CTDSPL2: variants seen among roughly 807,000 people sequenced by gnomAD.
CTDSPL2 encodes the protein CTD small phosphatase like 2, also known as CTD small phosphatase-like protein 2.
Under a neutral mutation model 60.0 loss-of-function variants are expected in CTDSPL2, and 5 were observed. The observed-to-expected ratio is 0.08, with a 90% confidence interval of 0.04 to 0.18. The LOEUF (loss-of-function observed/expected upper bound fraction) is 0.18, where lower values mean the gene tolerates loss of function less well. Ranked by LOEUF, CTDSPL2 falls within the 10% of genes least tolerant of loss-of-function variation. The probability of loss-of-function intolerance (pLI) is 1.00; values close to 1 mark genes in which losing one functional copy is unlikely to be tolerated. For synonymous variants in CTDSPL2, 186 were observed against 189.3 expected (o/e 0.98, Z 0.14); for missense variants, 370 against 548.8 (o/e 0.67, Z 3.26).
At position 44,478,476 on chromosome 15, in the gene CTDSPL2, AAAAAAAAG is replaced by A. The variant is rs1181664268; in HGVS notation, c.187-5746_187-5739del. 6.6e-4 allele frequency among the ~76,000 whole-genome samples: 99 copies of A among 149,350 alleles called. 1 individual carries two copies. The highest frequency in any genetic ancestry group is 2.3e-3 in the African/African-American group (95 of 40,610). On this transcript the variant is annotated intron_variant, in intron 2 of 12. Transcript: ENST00000260327. ...TCAAAAAAAAAAAAAAAAAAAAAAA[AAAAAAAAG>A]ACTCATGAGAAGCATATTCTGAGCT...
At chr15:44,513,246 A>G (rs962710028) in intron 8 of CTDSPL2, among the ~76,000 whole-genome samples, 1 of 152,098 alleles carries the variant, frequency 6.6e-6, no homozygotes, top group Non-Finnish European at 1.5e-5. Context: ...CGGGCGGATC[A>G]CCTGAGGTCA....
At chr15:44,473,810 G>GT (rs1482747751) in intron 2 of CTDSPL2, among the ~76,000 whole-genome samples, 1 of 152,176 alleles carries the variant, frequency 6.6e-6, no homozygotes, top group Non-Finnish European at 1.5e-5. Flanking sequence ...ATTTCAAGCA[G>GT]TTTCCCTTGC....
rs559414291 is a variant in CTDSPL2, at chr15:44,466,183, C to T, written c.186+6983C>T. On this transcript the variant is annotated intron_variant, in intron 2 of 12. Transcript: ENST00000260327. ...AACTCCTGACCTCAGATGATCCACC[C>T]GCCTCAGCCTCCCAAAGTGCTGGGA... Among the ~76,000 whole-genome samples, 10 of 151,434 alleles carry T rather than the reference C, an allele frequency of 6.6e-5. No homozygotes were observed. In the South Asian group the frequency reaches 1.5e-3, roughly 22 times the overall value.
At chr15:44,430,706 T>C (rs367916823) in intron 1 of CTDSPL2, among the ~76,000 whole-genome samples, 3 of 152,186 alleles carry the variant, frequency 2.0e-5, no homozygotes, top group Admixed American at 1.3e-4. Flanking sequence ...GTCACAAATA[T>C]CAAGTGTGCT....
chr15:44,483,463 A>T (rs2081066292), intron 2 of CTDSPL2, among the ~76,000 whole-genome samples: 1 of 151,950 alleles, frequency 6.6e-6, no homozygotes, highest in African/African-American at 2.4e-5. Flanking sequence ...GCCTGAACTC[A>T]GGAGGTTGAG....
chr15:44,454,650 G>A (rs1595712835), intron 1 of CTDSPL2, among the ~76,000 whole-genome samples: 2 of 152,162 alleles, frequency 1.3e-5, no homozygotes, highest in African/African-American at 4.8e-5. Flanking sequence ...CATATGGCTA[G>A]CCAGTTTTCC....
intron 1 of CTDSPL2, among the ~76,000 whole-genome samples, chr15:44,443,745 C>T (rs1027040937): frequency 2.6e-5 from 4 of 152,150 alleles, no homozygotes; most frequent in East Asian, 1.9e-4. Flanking sequence ...AAGTCCTTTG[C>T]ACATTTTTGA....
At chr15:44,454,029 T>G (rs1463415649) in intron 1 of CTDSPL2, among the ~76,000 whole-genome samples, 1 of 152,254 alleles carries the variant, frequency 6.6e-6, no homozygotes, top group Non-Finnish European at 1.5e-5. Flanking sequence ...CGAACTAGTT[T>G]ACAGTCCCAG....
intron 1 of CTDSPL2, among the ~76,000 whole-genome samples, chr15:44,456,130 G>A (rs1333754927): frequency 6.6e-6 from 1 of 152,098 alleles, no homozygotes; most frequent in African/African-American, 2.4e-5. Flanking sequence ...GATTACAGGC[G>A]TGAGCCACCG....
chr15:44,428,981 C>G (rs1490004621), intron 1 of CTDSPL2, among the ~76,000 whole-genome samples: 1 of 151,948 alleles, frequency 6.6e-6, no homozygotes, highest in East Asian at 1.9e-4. Context: ...AATTTGGGAT[C>G]TTTGTAGGTT....
At chr15:44,487,914 G>A (rs138253360) in intron 4 of CTDSPL2, among the ~76,000 whole-genome samples, 121 of 152,180 alleles carry the variant, frequency 8.0e-4, no homozygotes, top group African/African-American at 2.6e-3. Context: ...AGGAGTTCAA[G>A]ACCAGCCTGA....
At chr15:44,427,853 T>C (rs1448000541) in intron 1 of CTDSPL2, 81 bp downstream of exon 1, 2 of 395,268 alleles carry the variant, frequency 5.1e-6, no homozygotes, top group Non-Finnish European at 8.9e-6. Flanking sequence ...CGGGATCTCC[T>C]CCCCTTCTAA....
At chr15:44,472,994 A>G (rs901402113) in intron 2 of CTDSPL2, among the ~76,000 whole-genome samples, 21 of 151,888 alleles carry the variant, frequency 1.4e-4, no homozygotes, top group Non-Finnish European at 7.4e-5. Flanking sequence ...ACAGGGTTTC[A>G]CTATGTTGCC....
intron 2 of CTDSPL2, among the ~76,000 whole-genome samples, chr15:44,461,169 A>G (rs1297713379): frequency 1.3e-5 from 2 of 152,184 alleles, no homozygotes; most frequent in Non-Finnish European, 2.9e-5. Flanking sequence ...AGAAGTGAAG[A>G]TAGGTTTTTG....
chr15:44,482,005 C>T (rs995587974), intron 2 of CTDSPL2, among the ~76,000 whole-genome samples: 1 of 152,256 alleles, frequency 6.6e-6, no homozygotes, highest in African/African-American at 2.4e-5. Flanking sequence ...AACAGCAGCC[C>T]TGCTGGCTTA....
rs776630628 is a variant in CTDSPL2, at chr15:44,459,020, G to A, written c.6G>A (p.Arg2=). The change falls in exon 2 of 13, where the codon AGG becomes AGA. Residue 2 remains arginine, a synonymous_variant. Coordinates refer to ENST00000260327, the MANE Select transcript of CTDSPL2 (RefSeq NM_016396.3). Reference sequence around the variant, plus strand: ...ACATGTGGCACCCATAAAAGATGAGGCTGAGAACACGGAAAGCTTCTCAGC... The same window carrying A: ...ACATGTGGCACCCATAAAAGATGAGACTGAGAACACGGAAAGCTTCTCAGC... M[R]LRTRKASQQS... 2 of 1,567,752 alleles carry A rather than the reference G, an allele frequency of 1.3e-6. No individual in the cohort carries two copies. The highest frequency in any genetic ancestry group is 1.7e-6 in the Non-Finnish European group (2 of 1,158,376).
chr15:44,429,240 G>GT (rs948795618), intron 1 of CTDSPL2, among the ~76,000 whole-genome samples: 1 of 152,146 alleles, frequency 6.6e-6, no homozygotes, highest in African/African-American at 2.4e-5. Context: ...ATGTGAAGGA[G>GT]TTTTTTAGGA....
chr15:44,462,895 G>A (rs745836295), intron 2 of CTDSPL2, among the ~76,000 whole-genome samples: 2 of 151,456 alleles, frequency 1.3e-5, no homozygotes, highest in Non-Finnish European at 2.9e-5. Flanking sequence ...TGTAGAGATG[G>A]GGTTTCACCA....
intron 1 of CTDSPL2, among the ~76,000 whole-genome samples, chr15:44,434,643 A>T (rs530358396): frequency 1.8e-4 from 28 of 152,260 alleles, no homozygotes; most frequent in African/African-American, 6.7e-4. Context: ...ACCTCTTCCT[A>T]GGTGGGCCTT....
Sources: gnomAD v4.1 joint callset for allele counts (sites outside exome capture counted in the v4.1 genomes callset) on GRCh38, gnomAD v4.1.1 for gene constraint, MANE v1.5 for transcripts, NCBI Gene and HGNC (gene_info 2026-07-23, HGNC 2026-07-21) for gene names.